The following MAPKAP1 variants were observed in gnomAD, a reference collection of about 807,000 sequenced individuals.
MAPKAP1 encodes target of rapamycin complex 2 subunit MAPKAP1.
A neutral mutation model predicts 65.7 loss-of-function variants in MAPKAP1; 20 were observed. The observed-to-expected ratio is 0.30, with a 90% CI of 0.21 to 0.44. The LOEUF (loss-of-function observed/expected upper bound fraction) is 0.44. Among genes scored for constraint, MAPKAP1 ranks in the 20% least tolerant of loss-of-function variants. The probability of loss-of-function intolerance (pLI) is 1.00; values close to 1 mark genes in which losing one functional copy is unlikely to be tolerated. For missense variants in MAPKAP1, 423 were observed against 648.0 expected (o/e 0.65, Z 3.77); for synonymous variants, 222 against 244.3 (o/e 0.91, Z 0.85).
intron 7 of MAPKAP1, among the ~76,000 whole-genome samples, chr9:125,520,521 ACT>A (rs1829589111): frequency 1.3e-5 from 2 of 151,548 alleles, no homozygotes; most frequent in East Asian, 3.9e-4. Context: ...TCACTTCTTT[ACT>A]CTGTTTTTTC....
chr9:125,485,087 T>C (rs1589228369), intron 8 of MAPKAP1, among the ~76,000 whole-genome samples: 1 of 152,156 alleles, frequency 6.6e-6, no homozygotes, highest in African/African-American at 2.4e-5. Context: ...CCCTGAGCCA[T>C]TGGTACTGAT....
intron 5 of MAPKAP1, among the ~76,000 whole-genome samples, chr9:125,577,833 A>C (rs1204695686): frequency 6.7e-6 from 1 of 148,978 alleles, no homozygotes; most frequent in Non-Finnish European, 1.5e-5. Context: ...CGGCCCGGCC[A>C]ACCGCCCCGT....
At chr9:125,704,051 C>T (rs904450374) in intron 1 of MAPKAP1, among the ~76,000 whole-genome samples, 2 of 152,186 alleles carry the variant, frequency 1.3e-5, no homozygotes, top group South Asian at 2.1e-4. Flanking sequence ...TTCCATTCCT[C>T]GTGATCCCTC....
intron 4 of MAPKAP1, among the ~76,000 whole-genome samples, chr9:125,632,825 C>A (rs1833325232): frequency 6.6e-6 from 1 of 152,204 alleles, no homozygotes; most frequent in Admixed American, 6.5e-5. Flanking sequence ...CGTCTCTCAG[C>A]CAGGTGCAAA....
intron 9 of MAPKAP1, among the ~76,000 whole-genome samples, chr9:125,468,750 G>T (rs1853780424): frequency 6.6e-6 from 1 of 152,240 alleles, no homozygotes; most frequent in African/African-American, 2.4e-5. Context: ...AGGCTGCAGA[G>T]GTCATTGCCC....
intron 3 of MAPKAP1, among the ~76,000 whole-genome samples, chr9:125,666,436 G>A (rs566205725): frequency 1.3e-5 from 2 of 152,230 alleles, no homozygotes; most frequent in African/African-American, 4.8e-5. Flanking sequence ...TTCTTCTAGT[G>A]GGGAATGAAA....
rs118122069 is a variant in MAPKAP1 at position 125,640,668 on chromosome 9, T to C, written c.498+16983A>G. On this transcript the variant is annotated intron_variant, in intron 4 of 11. Coordinates refer to ENST00000265960, the MANE Select transcript of MAPKAP1 (RefSeq NM_001006617.3). ...TATGACCTCATCCATTCTCACTCTT[T>C]TTACTGACTAGTTAATTTAGCCTCA... is the stretch of plus-strand genomic sequence containing the variant. 1.0e-2 allele frequency among the ~76,000 whole-genome samples: 1,516 copies of C among 152,318 alleles called. 16 individuals carry two copies. Among genetic ancestry groups the C allele is most frequent in the Non-Finnish European group, 0.017 (1,144 of 68,026 alleles).
At chr9:125,581,561 A>G (rs1309663073) in intron 5 of MAPKAP1, among the ~76,000 whole-genome samples, 1 of 152,182 alleles carries the variant, frequency 6.6e-6, no homozygotes, top group African/African-American at 2.4e-5. Flanking sequence ...TTGGGTTCTC[A>G]GTTCTTTACC....
rs1304808904 is a variant in MAPKAP1, at chr9:125,540,123, A to G, written c.958+2936T>C. 4.6e-5 allele frequency among the ~76,000 whole-genome samples: 7 copies of G among 152,372 alleles called. No homozygotes were observed. The South Asian group carries it at 1.2e-3, about 27-fold the overall frequency. ...TATCCTAAAAAGCAAAATGATTTTG[A>G]AACCCTAAGGGCTTCAATTGGCAAA... is the stretch of plus-strand genomic sequence containing the variant. On this transcript the variant is annotated intron_variant, in intron 7 of 11. Transcript: ENST00000265960.
At chr9:125,617,799 A>C (rs1248994772) in intron 4 of MAPKAP1, among the ~76,000 whole-genome samples, 1 of 152,240 alleles carries the variant, frequency 6.6e-6, no homozygotes, top group Non-Finnish European at 1.5e-5. Flanking sequence ...AAGGGAATTA[A>C]AGACACATCT....
At chr9:125,563,451 T>G (rs1204822195) in intron 5 of MAPKAP1, among the ~76,000 whole-genome samples, 1 of 152,218 alleles carries the variant, frequency 6.6e-6, no homozygotes, top group Non-Finnish European at 1.5e-5. Flanking sequence ...GAGAATAGCT[T>G]GGATCTCCGA....
At position 125,515,458 on chromosome 9, in the gene MAPKAP1, T is replaced by C. The variant is rs1229784651; in HGVS notation, c.959-9041A>G. On this transcript the variant is annotated intron_variant, in intron 7 of 11. Transcript: ENST00000265960. ...TGCTGACAAGCAGAGACGAGAAAGA[T>C]AAGATTGGAAACGAATCTCACTTCT... is the stretch of plus-strand genomic sequence containing the variant. Among the ~76,000 whole-genome samples the C allele has an allele frequency of 2.0e-5, 3 of 152,204 alleles. No individual in the cohort carries two copies. The East Asian group carries it at 5.8e-4, about 29-fold the overall frequency.
At chr9:125,620,294 C>T (rs368553075) in intron 4 of MAPKAP1, among the ~76,000 whole-genome samples, 142 of 151,026 alleles carry the variant, frequency 9.4e-4, no homozygotes, top group South Asian at 1.0e-3. Context: ...GATGACAGAG[C>T]GAAAAAAAAA....
intron 7 of MAPKAP1, among the ~76,000 whole-genome samples, chr9:125,530,233 AATG>A (rs1413113725): frequency 2.0e-5 from 3 of 152,186 alleles, no homozygotes; most frequent in Non-Finnish European, 4.4e-5. Flanking sequence ...AAACACATCA[AATG>A]GCCTGACCGA....
chr9:125,483,939 G>A (rs1452185313), intron 9 of MAPKAP1, among the ~76,000 whole-genome samples: 2 of 152,070 alleles, frequency 1.3e-5, no homozygotes, highest in African/African-American at 4.8e-5. Flanking sequence ...TTCCTACTCC[G>A]GTTTAAGTCA....
Position 125,595,873 on chromosome 9 carries a change from T to G in MAPKAP1, c.499-10146A>C. The G allele has an allele frequency of 8.7e-7, 1 of 1,143,500 alleles. No homozygotes were observed. The highest frequency in any genetic ancestry group is 1.3e-6 in the Non-Finnish European group (1 of 765,982). The allele number at this position is 1,143,500 out of a possible 1,614,324, so 70.8% of individuals were successfully genotyped here. On this transcript the variant is annotated intron_variant, in intron 4 of 11. Transcript: ENST00000265960. The surrounding 1 kb of genome is among the most constrained non-coding windows in gnomAD (Gnocchi z 4.0). ...CCTATGCCACTGTGGAGGAGGTGGA[T>G]GCAGCCATGAATGCAAGGCCACACA... is the stretch of plus-strand genomic sequence containing the variant.
chr9:125,547,996 T>C (rs1396255282), intron 6 of MAPKAP1, among the ~76,000 whole-genome samples: 2 of 152,212 alleles, frequency 1.3e-5, no homozygotes, highest in Non-Finnish European at 2.9e-5. Context: ...TTGTCCACTG[T>C]TTAACAATTA....
intron 1 of MAPKAP1, among the ~76,000 whole-genome samples, chr9:125,684,785 G>A (rs12001887): frequency 0.086 from 13,004 of 152,024 alleles, 1,737 homozygotes; most frequent in African/African-American, 0.29. Context: ...GGGCTCAGGC[G>A]ATCCTCCCAA....
intron 7 of MAPKAP1, among the ~76,000 whole-genome samples, chr9:125,515,506 C>A (rs565098722): frequency 1.4e-4 from 21 of 152,178 alleles, no homozygotes; most frequent in Non-Finnish European, 2.9e-4. Context: ...ATAATCAATA[C>A]TCATCTAAAT....
Sources: gnomAD v4.1 joint callset for allele counts (sites outside exome capture counted in the v4.1 genomes callset) on GRCh38, gnomAD v4.1.1 for gene constraint, Gnocchi (gnomAD v3.1) non-coding constraint, MANE v1.5 for transcripts, NCBI Gene and HGNC (gene_info 2026-07-23, HGNC 2026-07-21) for gene names.